The following PBX4 variants were observed in gnomAD, a reference collection of about 807,000 sequenced individuals.
PBX4 encodes the protein pre-B-cell leukemia transcription factor 4.
PBX4 carries 26 observed loss-of-function variants against 35.1 expected under a neutral mutation model. That is an observed-to-expected ratio of 0.74 (90% CI 0.54 to 1.03). The LOEUF (loss-of-function observed/expected upper bound fraction) is 1.03, where lower values mean the gene tolerates loss of function less well. Among genes scored for constraint, PBX4 ranks in the 50% least tolerant of loss-of-function variants. PBX4 has a pLI of 0.00. For missense variants in PBX4, 448 were observed against 504.3 expected, an observed-to-expected ratio of 0.89 and a Z score of 1.07; for synonymous variants, 199 against 204.2, an observed-to-expected ratio of 0.97 and a Z score of 0.22.
chr19:19,613,138 A>C (rs993698915), intron 1 of PBX4, among the ~76,000 whole-genome samples: 2 of 151,640 alleles, frequency 1.3e-5, no homozygotes, highest in Admixed American at 6.6e-5. Flanking sequence ...TCTTAGCCTT[A>C]AAACAAAAAG....
chr19:19,568,620 A>AGGG (rs2144707426), intron 5 of PBX4, among the ~76,000 whole-genome samples: 1 of 145,888 alleles, frequency 6.9e-6, no homozygotes, highest in Non-Finnish European at 1.5e-5. Flanking sequence ...TGTATCCCTC[A>AGGG]AGGAGCTCAC....
At chr19:19,588,219 A>G in intron 2 of PBX4, 1 of 1,362,366 alleles carries the variant, frequency 7.3e-7, no homozygotes, top group African/African-American at 1.4e-5. Flanking sequence ...TAGGCATCAG[A>G]GACCCCAGGG....
At chr19:19,576,385 C>A (rs1339502674) in intron 2 of PBX4, among the ~76,000 whole-genome samples, 1 of 152,088 alleles carries the variant, frequency 6.6e-6, no homozygotes, top group Non-Finnish European at 1.5e-5. Flanking sequence ...GCCACCATGC[C>A]CAGCTAATTT....
chr19:19,575,301 G>A (rs1258918862), intron 2 of PBX4, among the ~76,000 whole-genome samples: 1 of 151,576 alleles, frequency 6.6e-6, no homozygotes, highest in African/African-American at 2.4e-5. Context: ...ACCCATGAGC[G>A]AGGACAGCCC....
chr19:19,590,991 T>A (rs369157320), intron 2 of PBX4, among the ~76,000 whole-genome samples: 1 of 152,262 alleles, frequency 6.6e-6, no homozygotes, highest in Admixed American at 6.5e-5. Context: ...GCATTTGGTT[T>A]TAATTAATTC....
Position 19,561,928 on chromosome 19 carries a change from G to A in PBX4, c.*97C>T. 1 of 1,055,862 alleles carries A rather than the reference G, an allele frequency of 9.5e-7. No homozygotes were observed. The highest frequency in any genetic ancestry group is 1.4e-6 in the Non-Finnish European group (1 of 737,972). The allele number at this position is 1,055,862 out of a possible 1,614,324, so 65.4% of individuals were successfully genotyped here. A position where few individuals can be genotyped will look rare whatever the true frequency, so the allele number is the denominator to read the frequency against. ...GCTCATGGGCACCACCACCCATCTG[G>A]GTTTTCTGAGGTCGTCGGCGGCACG... On this transcript the variant is annotated 3_prime_UTR_variant, in exon 8 of 8. Transcript: ENST00000251203.
At chr19:19,605,449 C>CAAA (rs1555740390) in intron 1 of PBX4, among the ~76,000 whole-genome samples, 27 of 90,408 alleles carry the variant, frequency 3.0e-4, no homozygotes, top group Middle Eastern at 5.7e-3. Context: ...ATAATAATAA[C>CAAA]AATAATAATA....
intron 1 of PBX4, among the ~76,000 whole-genome samples, chr19:19,600,933 A>C (rs2061593861): frequency 6.6e-6 from 1 of 152,192 alleles, no homozygotes; most frequent in Admixed American, 6.5e-5. Context: ...GCCTAAGCAG[A>C]AGCACCAATC....
chr19:19,590,052 C>T (rs372838123), intron 2 of PBX4, among the ~76,000 whole-genome samples: 11 of 152,318 alleles, frequency 7.2e-5, no homozygotes, highest in African/African-American at 2.4e-4. Context: ...CAAAGACCCT[C>T]AATCCTTGAG....
At chr19:19,591,644 C>G (rs2061528931) in intron 2 of PBX4, among the ~76,000 whole-genome samples, 1 of 152,302 alleles carries the variant, frequency 6.6e-6, no homozygotes. Flanking sequence ...TGCAAGGGGC[C>G]TCTGGGGCTC....
At position 19,562,234 on chromosome 19, in the gene PBX4, A is replaced by G; in HGVS notation, c.1033-117T>C. 1.4e-6 allele frequency: 1 copy of G among 706,326 alleles called. No homozygotes were observed. Among genetic ancestry groups the G allele is most frequent in the Admixed American group, 2.9e-5 (1 of 34,222 alleles). 43.8% of individuals were successfully genotyped at this position (706,326 alleles called of 1,614,324 possible). ...CTGGGAAGGCTTGGAAAAGATCCAC[A>G]GATGACCTCCAGCTCAGTGGAGGAG... On this transcript the variant is annotated intron_variant, in intron 7 of 7. Transcript: ENST00000251203. This position sits in a 1 kb window ranked among gnomAD's most constrained non-coding sequence, Gnocchi z 4.8.
At chr19:19,597,484 G>A (rs1394519880) in intron 2 of PBX4, among the ~76,000 whole-genome samples, 1 of 152,200 alleles carries the variant, frequency 6.6e-6, no homozygotes, top group Non-Finnish European at 1.5e-5. Flanking sequence ...CCAAGGACCA[G>A]GGTCATGCAG....
rs763456034 is a variant in PBX4 at position 19,564,942 on chromosome 19, G to A, written c.916C>T (p.Pro306Ser). ...PGNHASCLST[P>S]SSGSSGPFPL... Reference sequence around the variant, plus strand: ...GGCCAGCCTCACTCACCGGAGCTAGGTGTTGACAGGCAGCTGGCGTGGTTC... The same window carrying A: ...GGCCAGCCTCACTCACCGGAGCTAGATGTTGACAGGCAGCTGGCGTGGTTC... Residue 306 changes from proline (P) to serine (S), a missense_variant, in exon 6 of 8, where the codon CCT becomes TCT. Coordinates refer to ENST00000251203, the MANE Select transcript of PBX4 (RefSeq NM_025245.3). 2 of 1,614,256 alleles carry A rather than the reference G, an allele frequency of 1.2e-6. No homozygotes were observed. The highest frequency in any genetic ancestry group is 1.3e-5 in the African/African-American group (1 of 75,062).
At chr19:19,576,231 A>ATT (rs11396192) in intron 2 of PBX4, among the ~76,000 whole-genome samples, 5 of 150,924 alleles carry the variant, frequency 3.3e-5, no homozygotes, top group East Asian at 2.0e-4. Flanking sequence ...TTCTAAAAAA[A>ATT]TTTTTTTTTT....
At chr19:19,570,934 T>C (rs2061379224) in intron 2 of PBX4, 101 bp from the exon 3 acceptor site, 2 of 1,477,792 alleles carry the variant, frequency 1.4e-6, no homozygotes, top group Non-Finnish European at 1.8e-6. Context: ...GATTTTTGCA[T>C]AGAACCCTTC....
At chr19:19,609,176 G>A (rs1282502924) in intron 1 of PBX4, among the ~76,000 whole-genome samples, 2 of 152,152 alleles carry the variant, frequency 1.3e-5, no homozygotes, top group African/African-American at 4.8e-5. Context: ...AGGCAGTACA[G>A]CCTCAGAGTT....
chr19:19,600,367 A>C (rs2061589635), intron 1 of PBX4, among the ~76,000 whole-genome samples: 1 of 151,890 alleles, frequency 6.6e-6, no homozygotes. Context: ...TCTCTTCAAA[A>C]ATTTAAAAAT....
At chr19:19,579,276 G>A (rs997429532) in intron 2 of PBX4, among the ~76,000 whole-genome samples, 3 of 151,956 alleles carry the variant, frequency 2.0e-5, no homozygotes, top group African/African-American at 7.3e-5. Context: ...TTAAACCTGG[G>A]AGGCGGAGGT....
rs1600389017 is a variant in PBX4, at chr19:19,563,437, T to G, written c.1032+72A>C. 8.0e-7 allele frequency: 1 copy of G among 1,256,704 alleles called. No homozygotes were observed. Among genetic ancestry groups the G allele is most frequent in the Admixed American group, 2.5e-5 (1 of 40,642 alleles). 77.8% of individuals were successfully genotyped at this position (1,256,704 alleles called of 1,614,324 possible). ...GGGAAGCTGCCCCAAGGCCGAGGGGTGGCTGACAAGACGACCCTTTCTGAG... is the reference window on the plus strand; with the variant it reads ...GGGAAGCTGCCCCAAGGCCGAGGGGGGGCTGACAAGACGACCCTTTCTGAG... On this transcript the variant is annotated intron_variant, in intron 7 of 7. Transcript: ENST00000251203. This position sits in a 1 kb window ranked among gnomAD's most constrained non-coding sequence, Gnocchi z 5.1.
Sources: gnomAD v4.1 joint callset for allele counts (sites outside exome capture counted in the v4.1 genomes callset) on GRCh38, gnomAD v4.1.1 for gene constraint, Gnocchi (gnomAD v3.1) non-coding constraint, MANE v1.5 for transcripts, NCBI Gene and HGNC (gene_info 2026-07-23, HGNC 2026-07-21) for gene names.